Variants in ZFYVE28 observed in about 807,000 individuals in gnomAD.
The protein encoded by ZFYVE28 is zinc finger FYVE-type containing 28.
ZFYVE28 carries 40 observed loss-of-function variants against 82.1 expected under a neutral mutation model. That is an observed-to-expected ratio of 0.49 (90% CI 0.38 to 0.63). The LOEUF (loss-of-function observed/expected upper bound fraction) is 0.63, where lower values mean the gene tolerates loss of function less well. Ranked by LOEUF, ZFYVE28 falls within the 30% of genes least tolerant of loss-of-function variation. The probability of loss-of-function intolerance (pLI) is 0.00; values close to 1 mark genes in which losing one functional copy is unlikely to be tolerated. For missense variants in ZFYVE28, 1,321 were observed against 1,242.1 expected (o/e 1.06, Z -0.96); for synonymous variants, 612 against 546.1 (o/e 1.12, Z -1.68).
At position 2,275,170 on chromosome 4, in the gene ZFYVE28, G is replaced by A. The variant is rs150727488; in HGVS notation, c.2052-954C>T. On this transcript the variant is annotated intron_variant, in intron 8 of 12. Coordinates refer to ENST00000290974, the MANE Select transcript of ZFYVE28 (RefSeq NM_020972.3). ...GCTCTGTCCGTGGATGCCCTTGGAG[G>A]CTGAGGGACCCTCCGTGCATGGGGT... Among the ~76,000 whole-genome samples the A allele has an allele frequency of 3.9e-3, 587 of 152,272 alleles. 5 individuals are homozygous for A. Among genetic ancestry groups the A allele is most frequent in the African/African-American group, 0.013 (558 of 41,556 alleles).
intron 1 of ZFYVE28, among the ~76,000 whole-genome samples, chr4:2,402,599 C>T (rs898349036): frequency 1.3e-5 from 2 of 152,176 alleles, no homozygotes; most frequent in Non-Finnish European, 1.5e-5. Flanking sequence ...GAAGACAACA[C>T]GGAAGCCACA....
chr4:2,336,524 T>C (rs967678664), intron 5 of ZFYVE28, among the ~76,000 whole-genome samples: 5 of 152,148 alleles, frequency 3.3e-5, no homozygotes, highest in African/African-American at 4.8e-5. Context: ...TCCAAATTAC[T>C]GTACAAAGCC....
chr4:2,400,452 C>T (rs1477756242), intron 1 of ZFYVE28, among the ~76,000 whole-genome samples: 1 of 152,032 alleles, frequency 6.6e-6, no homozygotes, highest in East Asian at 1.9e-4. Context: ...TCGACAGTAG[C>T]CCAGGTCCCG....
intron 2 of ZFYVE28, among the ~76,000 whole-genome samples, chr4:2,346,260 T>G (rs1723565253): frequency 6.7e-6 from 1 of 148,942 alleles, no homozygotes; most frequent in Non-Finnish European, 1.5e-5. Context: ...GAGAATGCTG[T>G]GAACCCGGGA....
rs1256440642 is a variant in ZFYVE28, at chr4:2,362,890, C to T, written c.40-8817G>A. Among the ~76,000 whole-genome samples the T allele has an allele frequency of 6.6e-6, 1 of 152,096 alleles. No individual in the cohort carries two copies. The highest frequency in any genetic ancestry group is 1.5e-5 in the Non-Finnish European group (1 of 67,988). ...CGGTCCTGCTCACTTCCTGCCTTGG[C>T]CTCCTGCGGACCCCACCCACCCCTG... On this transcript the variant is annotated intron_variant, in intron 1 of 12. Transcript: ENST00000290974. This position sits in a 1 kb window ranked among gnomAD's most constrained non-coding sequence, Gnocchi z 5.1.
chr4:2,417,962 C>T lies in ZFYVE28; in HGVS notation c.39+323G>A, dbSNP rs1733286009. Among the ~76,000 whole-genome samples the T allele has an allele frequency of 6.6e-6, 1 of 151,470 alleles. No individual in the cohort carries two copies. Among genetic ancestry groups the T allele is most frequent in the Non-Finnish European group, 1.5e-5 (1 of 67,894 alleles). ...CCACGAAGTGTAGGAGGGCACCGTC[C>T]AGGACCGGGATGAGGAGGGAGAGGG... On this transcript the variant is annotated intron_variant, in intron 1 of 12. Coordinates refer to ENST00000290974, the MANE Select transcript of ZFYVE28 (RefSeq NM_020972.3). The surrounding 1 kb of genome is among the most constrained non-coding windows in gnomAD (Gnocchi z 4.8).
At chr4:2,319,020 G>A (rs1163064864) in intron 7 of ZFYVE28, 2 of 152,542 alleles carry the variant, frequency 1.3e-5, no homozygotes, top group East Asian at 1.9e-4. Context: ...ATGCTCCCAG[G>A]ACGTCCACTC....
chr4:2,277,346 G>A (rs1356110009), intron 8 of ZFYVE28, among the ~76,000 whole-genome samples: 1 of 152,212 alleles, frequency 6.6e-6, no homozygotes, highest in African/African-American at 2.4e-5. Flanking sequence ...CGGGCGTGGC[G>A]GCGTGTGCCT....
chr4:2,350,862 C>T (rs1724325763), intron 2 of ZFYVE28, among the ~76,000 whole-genome samples: 1 of 152,258 alleles, frequency 6.6e-6, no homozygotes, highest in African/African-American at 2.4e-5. Flanking sequence ...CACCCCAACT[C>T]CACGGGACAG....
In ZFYVE28 at chr4:2,409,777, T is replaced by C. The variant is rs1732320568; in HGVS notation, c.39+8508A>G. On this transcript the variant is annotated intron_variant, in intron 1 of 12. Transcript: ENST00000290974. This position sits in a 1 kb window ranked among gnomAD's most constrained non-coding sequence, Gnocchi z 4.4. The stretch of plus-strand genomic sequence containing the variant: ...GTCAGAACTACCCAACCACGATCAA[T>C]CCCAGACACAGAACTCCTTCACGCT... 2.0e-5 allele frequency among the ~76,000 whole-genome samples: 3 copies of C among 152,176 alleles called. No individual in the cohort carries two copies. The South Asian group carries it at 6.2e-4, about 31-fold the overall frequency.
intron 1 of ZFYVE28, among the ~76,000 whole-genome samples, chr4:2,364,159 T>C (rs1484150389): frequency 6.6e-6 from 1 of 152,164 alleles, no homozygotes; most frequent in Non-Finnish European, 1.5e-5. Context: ...GGGCACAGGG[T>C]GCCTGACGCC....
chr4:2,304,343 A>C lies in ZFYVE28; in HGVS notation c.1997T>G (p.Leu666Arg). The C allele has an allele frequency of 6.2e-7, 1 of 1,607,560 alleles. No homozygotes were observed. Among genetic ancestry groups the C allele is most frequent in the Non-Finnish European group, 8.5e-7 (1 of 1,179,580 alleles). ...AGQQEPEARE[L>R]HAGSPSAHEA... ...GTGAGCCGAGGGGCTCCCAGCATGC[A>C]GCTCTCTGGCCTCTGGCTCCTGCTG... Residue 666 changes from leucine to arginine, a missense_variant, in exon 8 of 13, where the codon CTG becomes CGG. This residue lies in a region of ZFYVE28 where 978 missense variants were observed against 833.7 expected (regional missense o/e 1.17). Coordinates refer to ENST00000290974, the MANE Select transcript of ZFYVE28 (RefSeq NM_020972.3).
chr4:2,305,618 G>T, intron 7 of ZFYVE28, 82 bp from the exon 8 acceptor site: 2 of 1,535,172 alleles, frequency 1.3e-6, no homozygotes, highest in Non-Finnish European at 1.8e-6. Context: ...GCAGCACCCT[G>T]GAGTCTGCAC....
rs144223448 is a variant in ZFYVE28, at chr4:2,384,294, G to T, written c.40-30221C>A. On this transcript the variant is annotated intron_variant, in intron 1 of 12. Transcript: ENST00000290974. ...CCCTTTATCTGCGAAGAGGAAACTGGTTTTGTAGGAAAGTGTGAAAGCTTC... is the reference window on the plus strand; with the variant it reads ...CCCTTTATCTGCGAAGAGGAAACTGTTTTTGTAGGAAAGTGTGAAAGCTTC... Among the ~76,000 whole-genome samples the T allele has an allele frequency of 3.3e-5, 5 of 152,324 alleles. No homozygotes were observed. The East Asian group carries it at 9.6e-4, about 29-fold the overall frequency.
intron 3 of ZFYVE28, among the ~76,000 whole-genome samples, chr4:2,340,886 G>C (rs1279444753): frequency 6.6e-6 from 1 of 152,120 alleles, no homozygotes; most frequent in African/African-American, 2.4e-5. Flanking sequence ...GGCAGGATGG[G>C]GACGGCACAA....
chr4:2,279,458 G>A lies in ZFYVE28; in HGVS notation c.2052-5242C>T, dbSNP rs187148288. 3.9e-4 allele frequency among the ~76,000 whole-genome samples: 59 copies of A among 152,040 alleles called. No homozygotes were observed. In the South Asian group the frequency reaches 4.0e-3, roughly 10 times the overall value. Reference sequence around the variant, plus strand: ...AAACAAAAACAAAAACACACCCATCGTGCTGAGTGAAAGAAGCCAGTCACA... The same window carrying A: ...AAACAAAAACAAAAACACACCCATCATGCTGAGTGAAAGAAGCCAGTCACA... On this transcript the variant is annotated intron_variant, in intron 8 of 12. Coordinates refer to ENST00000290974, the MANE Select transcript of ZFYVE28 (RefSeq NM_020972.3).
intron 7 of ZFYVE28, among the ~76,000 whole-genome samples, chr4:2,306,002 C>G (rs999302883): frequency 6.6e-6 from 1 of 152,248 alleles, no homozygotes; most frequent in South Asian, 2.1e-4. Flanking sequence ...CCCTTGTGGA[C>G]TTAGCCTGCA....
chr4:2,307,394 A>T (rs890037448), intron 7 of ZFYVE28, among the ~76,000 whole-genome samples: 7 of 152,204 alleles, frequency 4.6e-5, no homozygotes, highest in Non-Finnish European at 7.3e-5. Context: ...GTCCAATTAT[A>T]ACATTTTTTC....
intron 1 of ZFYVE28, among the ~76,000 whole-genome samples, chr4:2,414,191 C>T (rs995368959): frequency 6.6e-6 from 1 of 152,226 alleles, no homozygotes; most frequent in East Asian, 1.9e-4. Context: ...CCCCGAAAAC[C>T]CTCAGGTGAC....
Sources: gnomAD v4.1 joint callset for allele counts (sites outside exome capture counted in the v4.1 genomes callset) on GRCh38, gnomAD v4.1.1 for gene constraint, gnomAD v4.1.1 regional missense constraint, Gnocchi (gnomAD v3.1) non-coding constraint, MANE v1.5 for transcripts, NCBI Gene and HGNC (gene_info 2026-07-23, HGNC 2026-07-21) for gene names.